The following ADAMTS2 variants were observed in gnomAD, a reference collection of about 807,000 sequenced individuals.
The protein encoded by ADAMTS2 is A disintegrin and metalloproteinase with thrombospondin motifs 2.
Under a neutral mutation model 123.0 loss-of-function variants are expected in ADAMTS2, and 50 were observed. The ratio of observed to expected loss-of-function variants is 0.41; its 90% confidence interval spans 0.32 to 0.51. The LOEUF is 0.51. Ranked by LOEUF, ADAMTS2 falls within the 20% of genes least tolerant of loss-of-function variation. The pLI, the probability that ADAMTS2 is intolerant of heterozygous loss-of-function variation, is 0.35. For synonymous variants in ADAMTS2, 678 were observed against 695.4 expected, an observed-to-expected ratio of 0.98 and a Z score of 0.39; for missense variants, 1,494 against 1,705.2, an observed-to-expected ratio of 0.88 and a Z score of 2.18.
At chr5:179,329,517 C>T (rs1472624980) in intron 2 of ADAMTS2, among the ~76,000 whole-genome samples, 1 of 152,008 alleles carries the variant, frequency 6.6e-6, no homozygotes, top group East Asian at 1.9e-4. Flanking sequence ...ACACCTTATA[C>T]AGTATAAGAA....
chr5:179,314,253 G>A lies in ADAMTS2; in HGVS notation c.534+29514C>T, dbSNP rs891098303. 6.6e-6 allele frequency among the ~76,000 whole-genome samples: 1 copy of A among 152,188 alleles called. No individual in the cohort carries two copies. Among genetic ancestry groups the A allele is most frequent in the African/African-American group, 2.4e-5 (1 of 41,452 alleles). Reference sequence around the variant, plus strand: ...CTCCCACCGGGTCGGCCCTGTCCTTGTCTTGCTCAGCTCGGGGGAAGCACC... The same window carrying A: ...CTCCCACCGGGTCGGCCCTGTCCTTATCTTGCTCAGCTCGGGGGAAGCACC... On this transcript the variant is annotated intron_variant, in intron 2 of 21. Transcript: ENST00000251582. The surrounding 1 kb of genome is among the most constrained non-coding windows in gnomAD (Gnocchi z 4.5).
intron 21 of ADAMTS2, chr5:179,120,880 G>A (rs1279620026): frequency 2.6e-5 from 4 of 152,242 alleles, no homozygotes; most frequent in Non-Finnish European, 5.9e-5. Flanking sequence ...CTCTGAAGCT[G>A]GAGTTGGCAG....
intron 2 of ADAMTS2, among the ~76,000 whole-genome samples, chr5:179,335,915 C>A (rs1015558838): frequency 6.6e-6 from 1 of 152,248 alleles, no homozygotes; most frequent in Non-Finnish European, 1.5e-5. Context: ...TGTTCACCAA[C>A]CCAAAGCTCT....
intron 2 of ADAMTS2, among the ~76,000 whole-genome samples, chr5:179,296,169 C>G (rs1196518445): frequency 6.6e-6 from 1 of 152,120 alleles, no homozygotes; most frequent in Non-Finnish European, 1.5e-5. Flanking sequence ...GGATCCACAC[C>G]TCTGTGGTCC....
rs147755389 is a variant in ADAMTS2, at chr5:179,175,708, C to T, written c.975+5364G>A. Among the ~76,000 whole-genome samples the T allele has an allele frequency of 4.3e-4, 66 of 152,314 alleles. 1 individual carries two copies. In the East Asian group the frequency reaches 0.012, roughly 28 times the overall value. On this transcript the variant is annotated intron_variant, in intron 5 of 21. Coordinates refer to ENST00000251582, the MANE Select transcript of ADAMTS2 (RefSeq NM_014244.5). This position sits in a 1 kb window ranked among gnomAD's most constrained non-coding sequence, Gnocchi z 4.1. ...TACCGTGGATTCTTTTAGGTTTTCC[C>T]GACACATGATTAACAGCAAACAATG...
intron 3 of ADAMTS2, among the ~76,000 whole-genome samples, chr5:179,218,404 G>C (rs906632025): frequency 2.0e-5 from 3 of 152,250 alleles, no homozygotes; most frequent in Non-Finnish European, 2.9e-5. Flanking sequence ...GGACACAGCA[G>C]AAAGCCCTGC....
chr5:179,324,667 A>G (rs908655212), intron 2 of ADAMTS2, among the ~76,000 whole-genome samples: 1 of 152,222 alleles, frequency 6.6e-6, no homozygotes, highest in South Asian at 2.1e-4. Flanking sequence ...CTGGGATTAT[A>G]GGCGTGAGGC....
intron 2 of ADAMTS2, among the ~76,000 whole-genome samples, chr5:179,316,580 C>G (rs1024170397): frequency 5.3e-5 from 8 of 152,198 alleles, no homozygotes; most frequent in Non-Finnish European, 1.0e-4. Context: ...TCCAAGAGAA[C>G]AGAAGGCTGC....
intron 2 of ADAMTS2, among the ~76,000 whole-genome samples, chr5:179,296,785 G>A (rs1428051573): frequency 6.6e-6 from 1 of 152,048 alleles, no homozygotes; most frequent in African/African-American, 2.4e-5. Flanking sequence ...GACAAGTCAA[G>A]CATAAAGATG....
intron 19 of ADAMTS2, among the ~76,000 whole-genome samples, chr5:179,123,362 T>C (rs1762794996): frequency 6.6e-6 from 1 of 152,256 alleles, no homozygotes; most frequent in African/African-American, 2.4e-5. Context: ...TCAGCAGACC[T>C]GGATTGCTCA....
In ADAMTS2 at chr5:179,127,950, C is replaced by T. The variant is rs943437047; in HGVS notation, c.2617+9G>A. On this transcript the variant is annotated intron_variant, in intron 17 of 21. Transcript: ENST00000251582. ...GTCACCCAGGTCCCCAGCTTCGAGA[C>T]CCCCTCACCTCCGCCACAGGGCTTG... The T allele has an allele frequency of 4.3e-6, 7 of 1,613,452 alleles. No individual in the cohort carries two copies. The highest frequency in any genetic ancestry group is 1.1e-5 in the South Asian group (1 of 91,078).
At chr5:179,157,696 A>T (rs1763503895) in intron 6 of ADAMTS2, among the ~76,000 whole-genome samples, 1 of 151,380 alleles carries the variant, frequency 6.6e-6, no homozygotes, top group African/African-American at 2.4e-5. Context: ...CATTTTTCCA[A>T]TGTCTAGTGA....
chr5:179,122,685 C>G lies in ADAMTS2; in HGVS notation c.3047G>C (p.Arg1016Pro). The G allele has an allele frequency of 6.4e-7, 1 of 1,551,472 alleles. No individual in the cohort carries two copies. Among genetic ancestry groups the G allele is most frequent in the Non-Finnish European group, 8.7e-7 (1 of 1,147,484 alleles). The change falls in exon 20 of 22, where the codon CGT becomes CCT. Residue 1016 changes from arginine (R) to proline (P), a missense_variant. By Grantham distance (103) the Arg-to-Pro change is moderately radical. Transcript: ENST00000251582. Reference protein sequence around the residue: ...DDSFGICQEERPETARTCRLG... With the variant: ...DDSFGICQEEPPETARTCRLG... ...CCTGCAGGTCCTCGCTGTCTCAGGA[C>G]GCTCCTCCTGGCAGATGCCGAAGCT...
At position 179,113,164 on chromosome 5, in the gene ADAMTS2, G is replaced by A. The variant is rs1022414657; in HGVS notation, c.*703C>T. The A allele has an allele frequency of 2.0e-5, 3 of 153,306 alleles. No homozygotes were observed. Among genetic ancestry groups the A allele is most frequent in the African/African-American group, 7.2e-5 (3 of 41,398 alleles). The allele number at this position is 153,306 out of a possible 1,614,324, so 9.5% of individuals were successfully genotyped here. On this transcript the variant is annotated 3_prime_UTR_variant, in exon 22 of 22. Coordinates refer to ENST00000251582, the MANE Select transcript of ADAMTS2 (RefSeq NM_014244.5). ...TTCTGAGTCGACCTTTAAAGATTGAGTTTTTTTCATGCAAAAATCTAGACT... is the reference window on the plus strand; with the variant it reads ...TTCTGAGTCGACCTTTAAAGATTGAATTTTTTTCATGCAAAAATCTAGACT...
At chr5:179,266,804 G>A (rs561691558) in intron 3 of ADAMTS2, among the ~76,000 whole-genome samples, 7 of 152,264 alleles carry the variant, frequency 4.6e-5, no homozygotes, top group African/African-American at 1.7e-4. Flanking sequence ...CCTCACATCC[G>A]CTGTGTCAGT....
intron 4 of ADAMTS2, among the ~76,000 whole-genome samples, chr5:179,183,744 C>T (rs1315473171): frequency 1.3e-5 from 2 of 152,192 alleles, no homozygotes; most frequent in South Asian, 2.1e-4. Context: ...GGAGGGCAGG[C>T]CTGCTTGCAA....
chr5:179,171,370 C>G (rs977771171), intron 5 of ADAMTS2, among the ~76,000 whole-genome samples: 1 of 152,220 alleles, frequency 6.6e-6, no homozygotes, highest in Non-Finnish European at 1.5e-5. Context: ...ACCCATTTTC[C>G]TAGCCGCTGT....
At position 179,262,468 on chromosome 5, in the gene ADAMTS2, A is replaced by G. The variant is rs1256834843; in HGVS notation, c.688+10443T>C. The stretch of plus-strand genomic sequence containing the variant: ...GAATGAATTCTCACCCCGTACCGTG[A>G]CCGTCCCTTCAAAGCGATGAGTGCC... On this transcript the variant is annotated intron_variant, in intron 3 of 21. Coordinates refer to ENST00000251582, the MANE Select transcript of ADAMTS2 (RefSeq NM_014244.5). The surrounding 1 kb of genome is among the most constrained non-coding windows in gnomAD (Gnocchi z 5.9). Among the ~76,000 whole-genome samples, 2 of 151,374 alleles carry G rather than the reference A, an allele frequency of 1.3e-5. No individual in the cohort carries two copies. The highest frequency in any genetic ancestry group is 2.9e-5 in the Non-Finnish European group (2 of 67,856).
chr5:179,124,310 C>A (rs1315709021), intron 19 of ADAMTS2, among the ~76,000 whole-genome samples: 1 of 152,148 alleles, frequency 6.6e-6, no homozygotes, highest in African/African-American at 2.4e-5. Context: ...CTGGCCTCAG[C>A]TGGCTCTCAG....
Sources: gnomAD v4.1 joint callset for allele counts (sites outside exome capture counted in the v4.1 genomes callset) on GRCh38, gnomAD v4.1.1 for gene constraint, Gnocchi (gnomAD v3.1) non-coding constraint, MANE v1.5 for transcripts, NCBI Gene and HGNC (gene_info 2026-07-23, HGNC 2026-07-21) for gene names.